The following MTA2 variants were observed in gnomAD, a reference collection of about 807,000 sequenced individuals.
MTA2 encodes the protein metastasis-associated protein MTA2.
MTA2 carries 22 observed loss-of-function variants against 87.1 expected under a neutral mutation model. The observed-to-expected ratio is 0.25, with a 90% confidence interval of 0.18 to 0.36. The LOEUF is 0.36. MTA2 is among the 10% of genes least tolerant of loss of function. The pLI, the probability that MTA2 is intolerant of heterozygous loss-of-function variation, is 1.00. For synonymous variants in MTA2, 314 were observed against 310.1 expected (o/e 1.01, Z -0.13); for missense variants, 542 against 853.2 (o/e 0.64, Z 4.54).
In MTA2 at chr11:62,595,699, C is replaced by A; in HGVS notation, c.1254+53G>T. On this transcript the variant is annotated intron_variant, in intron 13 of 17. Transcript: ENST00000278823. This position sits in a 1 kb window ranked among gnomAD's most constrained non-coding sequence, Gnocchi z 4.9. ...GAATATTCTGGCCTTCACCTAAGCT[C>A]ACCATCAATATGCTTACTGCTCTCC... 6.2e-7 allele frequency: 1 copy of A among 1,603,022 alleles called. No homozygotes were observed. The highest frequency in any genetic ancestry group is 1.1e-5 in the South Asian group (1 of 89,692).
chr11:62,598,710 T>G, intron 3 of MTA2, 71 bp from the exon 4 acceptor site: 1 of 1,344,984 alleles, frequency 7.4e-7, no homozygotes, highest in Non-Finnish European at 1.1e-6. Flanking sequence ...AAACTCTAAC[T>G]CAGGGAAAAT....
In MTA2 at chr11:62,595,902, C is replaced by T. The variant is rs370982727; in HGVS notation, c.1115-11G>A. The stretch of plus-strand genomic sequence containing the variant: ...GAGCAGACTGTGTGGCTGTAGAGTA[C>T]GGAGAGGAGGGGGACAGGGAAGAAG... On this transcript the variant is annotated splice_polypyrimidine_tract_variant and intron_variant, in intron 12 of 17. Transcript: ENST00000278823. This position sits in a 1 kb window ranked among gnomAD's most constrained non-coding sequence, Gnocchi z 4.9. 11 of 1,613,922 alleles carry T rather than the reference C, an allele frequency of 6.8e-6. No individual in the cohort carries two copies. Among genetic ancestry groups the T allele is most frequent in the African/African-American group, 6.7e-5 (5 of 74,894 alleles).
intron 17 of MTA2, 109 bp downstream of exon 17, chr11:62,594,150 C>G: frequency 6.4e-7 from 1 of 1,562,422 alleles, no homozygotes; most frequent in Non-Finnish European, 8.7e-7. Context: ...TTCTGGCATC[C>G]CCACCCTGCA....
At chr11:62,598,977 A>C (rs955468757) in intron 3 of MTA2, among the ~76,000 whole-genome samples, 1 of 152,222 alleles carries the variant, frequency 6.6e-6, no homozygotes, top group Non-Finnish European at 1.5e-5. Context: ...TTGCTAAACC[A>C]GCCTGAGGTC....
chr11:62,598,699 G>C, intron 3 of MTA2, 60 bp from the exon 4 acceptor site: 1 of 1,441,536 alleles, frequency 6.9e-7, no homozygotes, highest in Non-Finnish European at 9.7e-7. Flanking sequence ...CACCACCCTG[G>C]AAACTCTAAC....
Position 62,595,361 on chromosome 11 carries a change from G to A in MTA2, c.1386C>T (p.Thr462=), listed in dbSNP as rs753358819. ...CCCTGCACATGCGTCTGGCAAGACG[G>A]GTCAGCTTTGTGGTCTGAAGCAGGA... ...QTFLLQTTKL[T]RLARRMCRDL... is the part of the protein sequence containing the mutation. The change falls in exon 14 of 18, where the codon ACC becomes ACT. Residue 462 remains threonine (T), a synonymous_variant. Coordinates refer to ENST00000278823, the MANE Select transcript of MTA2 (RefSeq NM_004739.4). This position sits in a 1 kb window ranked among gnomAD's most constrained non-coding sequence, Gnocchi z 4.9. 4 of 1,614,200 alleles carry A rather than the reference G, an allele frequency of 2.5e-6. No homozygotes were observed. The highest frequency in any genetic ancestry group is 3.4e-6 in the Non-Finnish European group (4 of 1,180,036).
At position 62,593,925 on chromosome 11, in the gene MTA2, C is replaced by T; in HGVS notation, c.1957G>A (p.Ala653Thr). ...TTGGTGCTGGCAGGATGTGAGGGTG[C>T]AGGTAGAGGGACAGGGGGCCGCACT... The part of the protein sequence containing the change: ...IAVRPPVPLP[A>T]PSHPASTNEP... The change falls in exon 18 of 18, where the codon GCA becomes ACA. Residue 653 changes from alanine (A) to threonine (T), a missense_variant. Transcript: ENST00000278823. 3 of 1,614,158 alleles carry T rather than the reference C, an allele frequency of 1.9e-6. No individual in the cohort carries two copies. The highest frequency in any genetic ancestry group is 2.5e-6 in the Non-Finnish European group (3 of 1,180,022).
At chr11:62,597,832 C>T (rs1942120201) in intron 6 of MTA2, 120 bp from the exon 7 acceptor site, 1 of 1,027,332 alleles carries the variant, frequency 9.7e-7, no homozygotes, top group Non-Finnish European at 1.5e-6. Context: ...AACTCTCCGA[C>T]TTCTCTTCCC....
rs769275642 is a variant in MTA2 at position 62,593,922 on chromosome 11, G to A, written c.1960C>T (p.Pro654Ser). The A allele has an allele frequency of 4.3e-6, 7 of 1,614,192 alleles. No individual in the cohort carries two copies. Among genetic ancestry groups the A allele is most frequent in the Admixed American group, 1.7e-5 (1 of 60,024 alleles). Residue 654 changes from proline to serine, a missense_variant, in exon 18 of 18, where the codon CCC (proline) becomes TCC (serine). Physicochemically the swap from Pro to Ser is moderately conservative, Grantham distance 74. Coordinates refer to ENST00000278823, the MANE Select transcript of MTA2 (RefSeq NM_004739.4). Reference protein sequence around the residue: ...AVRPPVPLPAPSHPASTNEPI... With the variant: ...AVRPPVPLPASSHPASTNEPI... ...TCATTGGTGCTGGCAGGATGTGAGG[G>A]TGCAGGTAGAGGGACAGGGGGCCGC...
intron 11 of MTA2, 62 bp from the exon 12 acceptor site, chr11:62,596,169 T>TCACGCCTGTAA: frequency 6.2e-7 from 1 of 1,600,684 alleles, no homozygotes; most frequent in Non-Finnish European, 8.5e-7. Flanking sequence ...AAGAATCAAT[T>TCACGCCTGTAA]TCCACTCTCA....
rs538001908 is a variant in MTA2 at position 62,601,173 on chromosome 11, C to G, written c.28+250G>C. ...CGGTTCCGAAGGCCACTCCGTGCCC[C>G]GGGGAGCCCCTGACGCAGCCCCGAA... On this transcript the variant is annotated intron_variant, in intron 1 of 17. Transcript: ENST00000278823. The G allele has an allele frequency of 1.1e-4, 58 of 549,928 alleles. No individual in the cohort carries two copies. The South Asian group carries it at 1.3e-3, about 13-fold the overall frequency. 34.1% of individuals were successfully genotyped at this position (549,928 alleles called of 1,614,324 possible).
In MTA2 at chr11:62,593,573, A is replaced by C. The variant is rs1437096627; in HGVS notation, c.*302T>G. The C allele has an allele frequency of 4.0e-6, 1 of 252,552 alleles. No individual in the cohort carries two copies. The highest frequency in any genetic ancestry group is 7.6e-6 in the Non-Finnish European group (1 of 131,354). The allele number at this position is 252,552 out of a possible 1,614,324, so 15.6% of individuals were successfully genotyped here. On this transcript the variant is annotated 3_prime_UTR_variant, in exon 18 of 18. Coordinates refer to ENST00000278823, the MANE Select transcript of MTA2 (RefSeq NM_004739.4). ...CACAAAGGGAGGCAAAATTTTTAAA[A>C]AATTAAAAAACCCTCCCCCCAAAAC...
At chr11:62,600,976 C>T (rs1942181146) in intron 1 of MTA2, 1 of 489,512 alleles carries the variant, frequency 2.0e-6, no homozygotes. Context: ...ATGAGTTGCA[C>T]CCCAGTCGCG....
In MTA2 at chr11:62,597,620, C is replaced by G; in HGVS notation, c.583G>C (p.Val195Leu). The G allele has an allele frequency of 6.2e-7, 1 of 1,614,138 alleles. No individual in the cohort carries two copies. The highest frequency in any genetic ancestry group is 8.5e-7 in the Non-Finnish European group (1 of 1,179,994). The change falls in exon 7 of 18, where the codon GTG becomes CTG. Residue 195 changes from valine (V) to leucine (L), a missense_variant. Around this residue, in one of 6 missense-constraint regions of MTA2, gnomAD observed 150 missense variants for 243.9 expected, o/e 0.62. Coordinates refer to ENST00000278823, the MANE Select transcript of MTA2 (RefSeq NM_004739.4). ...CCACCCACCCCTCACCGGGCCACCA[C>G]AAGAAACTGGTCGATCTGCCGGTCT... ...LTDRQIDQFL[V>L]VARAVGTFAR...
Position 62,596,068 on chromosome 11 carries a change from T to C in MTA2, c.1056A>G (p.Ser352=). The change falls in exon 12 of 18, where the codon TCA becomes TCG. Residue 352 remains serine (S), a synonymous_variant. Transcript: ENST00000278823. ...ATCCAGCCCCATTCATGCCAGGTTT[T>C]GAACCCACAGAAATGATCTGGTTAG... ...PNPNQIISVG[S]KPGMNGAGFQ... 6.2e-7 allele frequency: 1 copy of C among 1,614,174 alleles called. No individual in the cohort carries two copies. Among genetic ancestry groups the C allele is most frequent in the Non-Finnish European group, 8.5e-7 (1 of 1,180,042 alleles).
chr11:62,597,999 C>T (rs776563533), intron 6 of MTA2, 25 bp downstream of exon 6: 20 of 1,579,978 alleles, frequency 1.3e-5, no homozygotes, highest in Non-Finnish European at 1.5e-5. Flanking sequence ...ACCTGGTAGC[C>T]GTACAGTCTT....
chr11:62,596,119 G>A lies in MTA2; in HGVS notation c.1017-12C>T, dbSNP rs1942094938. 1 of 1,613,844 alleles carries A rather than the reference G, an allele frequency of 6.2e-7. No individual in the cohort carries two copies. The highest frequency in any genetic ancestry group is 8.5e-7 in the Non-Finnish European group (1 of 1,179,750). On this transcript the variant is annotated splice_polypyrimidine_tract_variant and intron_variant, in intron 11 of 17. Coordinates refer to ENST00000278823, the MANE Select transcript of MTA2 (RefSeq NM_004739.4). The stretch of plus-strand genomic sequence containing the variant: ...GGTTTGGCTTAGTGCTAACGGGGAA[G>A]GCGAGGAGAAGGGAAAAAAACAAGA...
At position 62,594,343 on chromosome 11, in the gene MTA2, C is replaced by T. The variant is rs756604069; in HGVS notation, c.1757G>A (p.Ser586Asn). 4 of 1,614,200 alleles carry T rather than the reference C, an allele frequency of 2.5e-6. No homozygotes were observed. In the South Asian group the frequency reaches 3.3e-5, roughly 13 times the overall value. ...CTGACGCTTGGCTGCTGGCTGTGAG[C>T]TTGAACGAATCCCTGAAGCCAGAGG... Reference protein sequence around the residue: ...GRPLASGIRSSSQPAAKRQKL... With the variant: ...GRPLASGIRSNSQPAAKRQKL... The change falls in exon 17 of 18, where the codon AGC (serine) becomes AAC (asparagine). Residue 586 changes from serine to asparagine, a missense_variant. Physicochemically the swap from Ser to Asn is conservative, Grantham distance 46 (BLOSUM62 1). Coordinates refer to ENST00000278823, the MANE Select transcript of MTA2 (RefSeq NM_004739.4).
At position 62,596,451 on chromosome 11, in the gene MTA2, A is replaced by C. The variant is rs200002884; in HGVS notation, c.957+7T>G. Reference sequence around the variant, plus strand: ...CTATGGTCCACCCTCCCCAGCCCAGATAATACCTGCTGAATATACCGGTCT... The same window carrying C: ...CTATGGTCCACCCTCCCCAGCCCAGCTAATACCTGCTGAATATACCGGTCT... On this transcript the variant is annotated splice_region_variant and intron_variant, in intron 10 of 17. Coordinates refer to ENST00000278823, the MANE Select transcript of MTA2 (RefSeq NM_004739.4). 192 of 1,613,816 alleles carry C rather than the reference A, an allele frequency of 1.2e-4. No homozygotes were observed. Among genetic ancestry groups the C allele is most frequent in the Non-Finnish European group, 1.6e-4 (188 of 1,179,912 alleles).
Sources: allele counts gnomAD v4.1 joint callset (sites outside exome capture counted in the v4.1 genomes callset), GRCh38; gene constraint gnomAD v4.1.1; regional missense constraint gnomAD v4.1.1; non-coding constraint Gnocchi (gnomAD v3.1); transcripts MANE v1.5; gene names NCBI Gene and HGNC (gene_info 2026-07-23, HGNC 2026-07-21).